ROBO1: variants seen among roughly 807,000 people sequenced by gnomAD.
ROBO1 encodes roundabout guidance receptor 1.
ROBO1 carries 149 observed loss-of-function variants against 195.9 expected under a neutral mutation model. The ratio of observed to expected loss-of-function variants is 0.76; its 90% CI spans 0.67 to 0.87. ROBO1 has a LOEUF of 0.87. Ranked by LOEUF, ROBO1 falls within the 40% of genes least tolerant of loss-of-function variation. The pLI is 0.00. For synonymous variants in ROBO1, 816 were observed against 733.2 expected (o/e 1.11, Z -1.82); for missense variants, 1,933 against 2,068.3 (o/e 0.93, Z 1.27).
At chr3:78,693,689 C>T (rs551574063) in intron 8 of ROBO1, among the ~76,000 whole-genome samples, 37 of 152,198 alleles carry the variant, frequency 2.4e-4, no homozygotes, top group South Asian at 6.2e-4. Flanking sequence ...AGAACTAATA[C>T]GTAATGGATT....
intron 1 of ROBO1, among the ~76,000 whole-genome samples, chr3:79,658,756 A>G (rs900276181): frequency 6.6e-6 from 1 of 151,282 alleles, no homozygotes; most frequent in Non-Finnish European, 1.5e-5. Flanking sequence ...GTACTCCCTT[A>G]GTTATTCAAA....
rs138272880 is a variant in ROBO1 at position 79,730,332 on chromosome 3, A to T, written c.-51+37420T>A. Among the ~76,000 whole-genome samples, 844 of 152,196 alleles carry T rather than the reference A, an allele frequency of 5.5e-3. 4 individuals carry two copies. The highest frequency in any genetic ancestry group is 0.017 in the African/African-American group (723 of 41,514). On this transcript the variant is annotated intron_variant, in intron 1 of 30. Transcript: ENST00000464233. ...GTGATAAGAATCAAATATTGAGGAC[A>T]CTCTATTTGGCCAAAATCACATATA...
At chr3:79,007,977 A>G (rs1205908608) in intron 3 of ROBO1, among the ~76,000 whole-genome samples, 1 of 152,210 alleles carries the variant, frequency 6.6e-6, no homozygotes, top group African/African-American at 2.4e-5. Context: ...CAATAGCTGT[A>G]AAGTCTACCT....
chr3:79,002,323 A>C (rs2077523535), intron 3 of ROBO1, among the ~76,000 whole-genome samples: 2 of 152,120 alleles, frequency 1.3e-5, no homozygotes, highest in Non-Finnish European at 2.9e-5. Context: ...AATTTCTTCC[A>C]GTATTACTAT....
intron 10 of ROBO1, 35 bp downstream of exon 10, chr3:78,685,711 T>A: frequency 6.6e-7 from 1 of 1,509,334 alleles, no homozygotes; most frequent in Non-Finnish European, 9.0e-7. Flanking sequence ...TAAGTCAAAC[T>A]TGGACATTTT....
intron 4 of ROBO1, among the ~76,000 whole-genome samples, chr3:78,811,003 T>C (rs2084721008): frequency 6.6e-6 from 1 of 152,182 alleles, no homozygotes; most frequent in South Asian, 2.1e-4. Flanking sequence ...CCAAATGTGT[T>C]CACTCCTAAC....
intron 3 of ROBO1, among the ~76,000 whole-genome samples, chr3:79,023,075 C>T (rs769251619): frequency 6.6e-6 from 1 of 152,138 alleles, no homozygotes; most frequent in Non-Finnish European, 1.5e-5. Flanking sequence ...CAGAACATCT[C>T]TCTGCCTTCT....
At chr3:78,727,518 G>A (rs1310719904) in intron 5 of ROBO1, among the ~76,000 whole-genome samples, 1 of 152,022 alleles carries the variant, frequency 6.6e-6, no homozygotes, top group Non-Finnish European at 1.5e-5. Context: ...CCAGCTACTC[G>A]GGAGGCTGAG....
rs1241777392 is a variant in ROBO1 at position 79,194,331 on chromosome 3, G to A, written c.89-68792C>T. 2.6e-5 allele frequency among the ~76,000 whole-genome samples: 4 copies of A among 151,778 alleles called. No individual in the cohort carries two copies. In the East Asian group the frequency reaches 7.8e-4, roughly 29 times the overall value. On this transcript the variant is annotated intron_variant, in intron 2 of 30. Coordinates refer to ENST00000464233, the MANE Select transcript of ROBO1 (RefSeq NM_002941.4). ...GCTACAGGCAGCACACTTCCAGTGTGGGCAGTCAGCTTACACGGAGATGTC... is the reference window on the plus strand; with the variant it reads ...GCTACAGGCAGCACACTTCCAGTGTAGGCAGTCAGCTTACACGGAGATGTC...
chr3:79,464,270 G>A (rs1339839031), intron 2 of ROBO1, among the ~76,000 whole-genome samples: 2 of 152,076 alleles, frequency 1.3e-5, no homozygotes, highest in Non-Finnish European at 2.9e-5. Flanking sequence ...ATTTTCGTTT[G>A]GCTTGAATAT....
At chr3:79,220,760 T>C (rs1445617908) in intron 2 of ROBO1, among the ~76,000 whole-genome samples, 1 of 152,086 alleles carries the variant, frequency 6.6e-6, no homozygotes, top group Non-Finnish European at 1.5e-5. Context: ...CCTCCTTATG[T>C]GACATTTTTC....
chr3:79,520,575 G>A (rs933186207), intron 2 of ROBO1, among the ~76,000 whole-genome samples: 1 of 152,162 alleles, frequency 6.6e-6, no homozygotes, highest in South Asian at 2.1e-4. Context: ...GGGAAAATTG[G>A]AGTAGTTTAT....
intron 3 of ROBO1, among the ~76,000 whole-genome samples, chr3:79,084,312 A>G (rs2079328355): frequency 1.3e-5 from 2 of 152,162 alleles, no homozygotes; most frequent in African/African-American, 4.8e-5. Context: ...CAGCCTGACC[A>G]ACATGGAGAA....
intron 1 of ROBO1, among the ~76,000 whole-genome samples, chr3:79,597,262 T>G (rs1159437685): frequency 6.6e-6 from 1 of 151,984 alleles, no homozygotes; most frequent in African/African-American, 2.4e-5. Flanking sequence ...TAGTTGGAAG[T>G]GCATTTCGTG....
chr3:79,252,216 A>C (rs2082743866), intron 2 of ROBO1, among the ~76,000 whole-genome samples: 1 of 152,116 alleles, frequency 6.6e-6, no homozygotes, highest in African/African-American at 2.4e-5. Context: ...TTTGGGTTGG[A>C]TAGTGTCTGC....
intron 1 of ROBO1, among the ~76,000 whole-genome samples, chr3:79,692,004 A>C (rs1419025477): frequency 6.6e-6 from 1 of 151,848 alleles, no homozygotes; most frequent in African/African-American, 2.4e-5. Context: ...CATAATTTTT[A>C]TAGAGGAAGT....
chr3:78,654,541 G>T (rs930705537), intron 18 of ROBO1, among the ~76,000 whole-genome samples: 2 of 152,042 alleles, frequency 1.3e-5, no homozygotes, highest in African/African-American at 4.8e-5. Flanking sequence ...GGCTATTTGT[G>T]CAAGGTTAAG....
chr3:79,385,266 C>A (rs1187049515), intron 2 of ROBO1, among the ~76,000 whole-genome samples: 1 of 152,074 alleles, frequency 6.6e-6, no homozygotes, highest in Non-Finnish European at 1.5e-5. Context: ...TTATTTGAAT[C>A]TTTCTGTATA....
At chr3:78,895,063 G>C (rs543743458) in intron 4 of ROBO1, among the ~76,000 whole-genome samples, 19 of 152,310 alleles carry the variant, frequency 1.2e-4, no homozygotes, top group African/African-American at 4.6e-4. Flanking sequence ...TTATTACAGA[G>C]CCCAACATGC....
Sources: gnomAD v4.1 joint callset for allele counts (sites outside exome capture counted in the v4.1 genomes callset) on GRCh38, gnomAD v4.1.1 for gene constraint, MANE v1.5 for transcripts, NCBI Gene and HGNC (gene_info 2026-07-23, HGNC 2026-07-21) for gene names.